The following ADCY2 variants were observed in gnomAD, a reference collection of about 807,000 sequenced individuals.
ADCY2 encodes adenylate cyclase type 2.
A neutral mutation model predicts 125.2 loss-of-function variants in ADCY2; 31 were observed. The observed-to-expected ratio is 0.25, with a 90% CI of 0.19 to 0.33. The LOEUF is 0.33. ADCY2 is among the 10% of genes least tolerant of loss of function. The pLI, the probability that ADCY2 is intolerant of heterozygous loss-of-function variation, is 1.00. For missense variants in ADCY2, 904 were observed against 1,418.2 expected (o/e 0.64, Z 5.82); for synonymous variants, 512 against 548.4 (o/e 0.93, Z 0.93).
intron 3 of ADCY2, among the ~76,000 whole-genome samples, chr5:7,586,678 A>G (rs571736331): frequency 3.3e-5 from 5 of 152,250 alleles, no homozygotes; most frequent in Non-Finnish European, 7.3e-5. Context: ...TTGCCCAGAC[A>G]GGCCCATGAT....
rs200729420 is a variant in ADCY2, at chr5:7,484,775, C to G, written c.409-35963C>G. Reference sequence around the variant, plus strand: ...TACCCAGCTGTTTTTGTTTTCCTTTCTCTTCTGCATCCTAAAAATCTCTCT... The same window carrying G: ...TACCCAGCTGTTTTTGTTTTCCTTTGTCTTCTGCATCCTAAAAATCTCTCT... On this transcript the variant is annotated intron_variant, in intron 2 of 24. Coordinates refer to ENST00000338316, the MANE Select transcript of ADCY2 (RefSeq NM_020546.3). 3.9e-5 allele frequency among the ~76,000 whole-genome samples: 6 copies of G among 152,162 alleles called. No homozygotes were observed. The East Asian group carries it at 1.2e-3, about 29-fold the overall frequency.
chr5:7,763,185 C>T (rs1329679600), intron 16 of ADCY2, among the ~76,000 whole-genome samples: 1 of 152,040 alleles, frequency 6.6e-6, no homozygotes, highest in African/African-American at 2.4e-5. Context: ...GCTCCGCCTC[C>T]CGGGTTCACG....
chr5:7,555,274 C>T (rs1484212373), intron 3 of ADCY2, among the ~76,000 whole-genome samples: 2 of 152,210 alleles, frequency 1.3e-5, no homozygotes, highest in Admixed American at 6.5e-5. Context: ...GTTCAGCAAA[C>T]ATCCATTGAA....
intron 3 of ADCY2, among the ~76,000 whole-genome samples, chr5:7,583,265 T>C (rs1035808545): frequency 6.6e-6 from 1 of 152,082 alleles, no homozygotes; most frequent in Non-Finnish European, 1.5e-5. Context: ...GAAAATTTTC[T>C]CAAGATTATT....
intron 2 of ADCY2, among the ~76,000 whole-genome samples, chr5:7,505,793 A>C (rs1743789851): frequency 2.0e-5 from 3 of 152,144 alleles, no homozygotes; most frequent in Non-Finnish European, 4.4e-5. Flanking sequence ...TCCCAAAACA[A>C]TATTTGTTTT....
At chr5:7,537,912 A>G (rs1281435616) in intron 3 of ADCY2, among the ~76,000 whole-genome samples, 3 of 152,042 alleles carry the variant, frequency 2.0e-5, no homozygotes, top group African/African-American at 7.2e-5. Context: ...TTCTATCTCC[A>G]TCTGGGGCAT....
At chr5:7,490,090 A>T (rs927370183) in intron 2 of ADCY2, among the ~76,000 whole-genome samples, 15 of 152,116 alleles carry the variant, frequency 9.9e-5, no homozygotes, top group African/African-American at 3.6e-4. Context: ...TATTTCTGAG[A>T]AGAGGCAATG....
chr5:7,800,689 T>C (rs1346002915), intron 20 of ADCY2: 1 of 152,132 alleles, frequency 6.6e-6, no homozygotes, highest in South Asian at 2.1e-4. Flanking sequence ...TGTCCTCCCC[T>C]GGCTAGATGC....
intron 18 of ADCY2, among the ~76,000 whole-genome samples, chr5:7,775,149 G>C (rs1743678758): frequency 1.3e-5 from 2 of 151,308 alleles, no homozygotes; most frequent in Non-Finnish European, 2.9e-5. Context: ...TGGGATTACA[G>C]GTGCCTGCCA....
chr5:7,405,210 A>G (rs1223653939), intron 1 of ADCY2, among the ~76,000 whole-genome samples: 1 of 152,308 alleles, frequency 6.6e-6, no homozygotes, highest in Non-Finnish European at 1.5e-5. Context: ...GTTACCTTAC[A>G]TAGCCATGCC....
chr5:7,617,613 A>C (rs765504515), intron 3 of ADCY2, among the ~76,000 whole-genome samples: 14 of 152,176 alleles, frequency 9.2e-5, no homozygotes, highest in Non-Finnish European at 1.5e-4. Context: ...AAAACATGAG[A>C]TGTCACTTGG....
intron 3 of ADCY2, among the ~76,000 whole-genome samples, chr5:7,582,277 C>A (rs1200133200): frequency 6.6e-6 from 1 of 152,010 alleles, no homozygotes; most frequent in Non-Finnish European, 1.5e-5. Flanking sequence ...TAGATAATTA[C>A]CTGAAAACAA....
intron 14 of ADCY2, among the ~76,000 whole-genome samples, chr5:7,741,279 A>G (rs1052474706): frequency 1.1e-4 from 17 of 152,164 alleles, no homozygotes; most frequent in African/African-American, 3.9e-4. Flanking sequence ...ACATAAATCC[A>G]GACAACATCA....
intron 16 of ADCY2, among the ~76,000 whole-genome samples, chr5:7,759,574 T>G (rs2126462219): frequency 6.6e-6 from 1 of 152,340 alleles, no homozygotes; most frequent in South Asian, 2.1e-4. Flanking sequence ...TCTCCCCTTC[T>G]TCTTAGGTGT....
intron 2 of ADCY2, among the ~76,000 whole-genome samples, chr5:7,444,469 C>T (rs1159022093): frequency 1.3e-5 from 2 of 152,012 alleles, no homozygotes; most frequent in African/African-American, 4.8e-5. Flanking sequence ...TATTCTATAG[C>T]TAACACTCTG....
chr5:7,649,674 T>A (rs1386590970), intron 4 of ADCY2, among the ~76,000 whole-genome samples: 2 of 152,018 alleles, frequency 1.3e-5, no homozygotes, highest in Admixed American at 6.6e-5. Context: ...TCTTACTGCT[T>A]TACAACCGTC....
intron 2 of ADCY2, among the ~76,000 whole-genome samples, chr5:7,517,635 C>T (rs186062998): frequency 7.2e-5 from 11 of 152,240 alleles, no homozygotes; most frequent in Admixed American, 4.6e-4. Context: ...ATGCAATTTG[C>T]GCAATTGACC....
intron 24 of ADCY2, 147 bp from the exon 25 acceptor site, chr5:7,826,572 A>G: frequency 1.2e-5 from 12 of 1,023,464 alleles, no homozygotes; most frequent in Non-Finnish European, 1.8e-5. Flanking sequence ...TTTCTTGTGG[A>G]TTACTCTCAC....
chr5:7,808,819 C>T (rs1045192635), intron 22 of ADCY2, among the ~76,000 whole-genome samples: 1 of 152,212 alleles, frequency 6.6e-6, no homozygotes, highest in Non-Finnish European at 1.5e-5. Flanking sequence ...GAGCCCCATT[C>T]CTCCACCCTC....
Sources: allele counts gnomAD v4.1 joint callset (sites outside exome capture counted in the v4.1 genomes callset), GRCh38; gene constraint gnomAD v4.1.1; transcripts MANE v1.5; gene names NCBI Gene and HGNC (gene_info 2026-07-23, HGNC 2026-07-21).